Variants in ZCWPW1 observed in about 807,000 individuals in gnomAD.
ZCWPW1 encodes zinc finger CW-type and PWWP domain containing 1.
Under a neutral mutation model 81.3 loss-of-function variants are expected in ZCWPW1, and 56 were observed. That is an observed-to-expected ratio of 0.69 (90% CI 0.56 to 0.86). The LOEUF is 0.86. ZCWPW1 is among the 40% of genes least tolerant of loss of function. The probability of loss-of-function intolerance (pLI) is 0.00; values close to 1 mark genes in which losing one functional copy is unlikely to be tolerated. For missense variants in ZCWPW1, 650 were observed against 769.8 expected (o/e 0.84, Z 1.84); for synonymous variants, 250 against 273.7 (o/e 0.91, Z 0.86).
intron 5 of ZCWPW1, among the ~76,000 whole-genome samples, chr7:100,417,893 G>GT (rs1230811022): frequency 2.1e-4 from 31 of 149,838 alleles, no homozygotes; most frequent in African/African-American, 2.9e-4. Flanking sequence ...TTGTTTTTTG[G>GT]TTTTTTTTTG....
intron 5 of ZCWPW1, 119 bp from the exon 6 acceptor site, chr7:100,417,302 A>G (rs1283606119): frequency 4.6e-6 from 3 of 648,208 alleles, no homozygotes; most frequent in Non-Finnish European, 5.3e-6. Context: ...TACCTGTCAT[A>G]TCACAGAACT....
intron 2 of ZCWPW1, among the ~76,000 whole-genome samples, chr7:100,421,004 A>T (rs1796248827): frequency 6.6e-6 from 1 of 152,114 alleles, no homozygotes; most frequent in Non-Finnish European, 1.5e-5. Flanking sequence ...AAAACAAATT[A>T]GCCAGTGTGG....
intron 9 of ZCWPW1, 118 bp from the exon 10 acceptor site, chr7:100,408,777 G>A (rs1793574116): frequency 8.2e-7 from 1 of 1,220,718 alleles, no homozygotes; most frequent in African/African-American, 1.5e-5. Context: ...GGGACCAAAG[G>A]GGCACCTGGG....
intron 1 of ZCWPW1, among the ~76,000 whole-genome samples, chr7:100,428,152 C>T (rs1798081920): frequency 6.6e-6 from 1 of 152,216 alleles, no homozygotes; most frequent in African/African-American, 2.4e-5. Flanking sequence ...AACTAGCTGG[C>T]TACCTTCAGG....
intron 5 of ZCWPW1, 108 bp downstream of exon 5, chr7:100,419,003 T>A (rs1015273022): frequency 1.2e-6 from 1 of 866,172 alleles, no homozygotes; most frequent in Admixed American, 2.1e-5. Context: ...TAATATTACC[T>A]TATTTAGAAG....
At chr7:100,409,881 A>G (rs1793840920) in intron 8 of ZCWPW1, among the ~76,000 whole-genome samples, 1 of 152,228 alleles carries the variant, frequency 6.6e-6, no homozygotes, top group Non-Finnish European at 1.5e-5. Context: ...GTTGCCTGGC[A>G]TCTTTCCAGA....
Position 100,416,467 on chromosome 7 carries a change from G to A in ZCWPW1, c.480-11C>T, listed in dbSNP as rs764599576. 6.2e-7 allele frequency: 1 copy of A among 1,610,774 alleles called. No homozygotes were observed. Among genetic ancestry groups the A allele is most frequent in the South Asian group, 1.1e-5 (1 of 90,724 alleles). On this transcript the variant is annotated splice_polypyrimidine_tract_variant and intron_variant, in intron 6 of 17. Coordinates refer to ENST00000684423, the MANE Select transcript of ZCWPW1 (RefSeq NM_001386010.1). The stretch of plus-strand genomic sequence containing the variant: ...TGTGGTACCTCCTCTCTGAAAATGA[G>A]GTTTTATTTTAATGAAAGGTAAAAA...
rs1201884525 is a variant in ZCWPW1, at chr7:100,419,614, C to A, written c.282+16G>T. The A allele has an allele frequency of 1.2e-6, 2 of 1,601,278 alleles. No individual in the cohort carries two copies. The highest frequency in any genetic ancestry group is 2.7e-5 in the African/African-American group (2 of 73,894). ...TGAGAAAATCTCCTACCAGAGCCCA[C>A]CACTATGACTGGTACCTTTTCTTTC... On this transcript the variant is annotated intron_variant, in intron 4 of 17. Coordinates refer to ENST00000684423, the MANE Select transcript of ZCWPW1 (RefSeq NM_001386010.1).
intron 1 of ZCWPW1, among the ~76,000 whole-genome samples, chr7:100,428,227 A>T (rs1406078343): frequency 6.6e-6 from 1 of 151,616 alleles, no homozygotes; most frequent in Non-Finnish European, 1.5e-5. Context: ...AGCCCCTCAC[A>T]CCTCAACCCA....
intron 11 of ZCWPW1, 74 bp downstream of exon 11, chr7:100,407,154 C>T: frequency 7.2e-7 from 1 of 1,388,428 alleles, no homozygotes; most frequent in South Asian, 1.2e-5. Flanking sequence ...TGTCTCTTAT[C>T]TGTACGTCTG....
In ZCWPW1 at chr7:100,401,826, A is replaced by AG. The variant is rs1298339622; in HGVS notation, c.1627+62dup. ...CTGTAAAATGGTTAAGAAATGATTCAGGGAGGGGAGATGCTGACAGGCACC... is the reference window on the plus strand; with the variant it reads ...CTGTAAAATGGTTAAGAAATGATTCAGGGGAGGGGAGATGCTGACAGGCACC... On this transcript the variant is annotated intron_variant, in intron 17 of 17. Transcript: ENST00000684423. 11 of 1,527,900 alleles carry AG rather than the reference A, an allele frequency of 7.2e-6. No individual in the cohort carries two copies. The African/African-American group carries it at 1.5e-4, about 21-fold the overall frequency. 94.6% of individuals were successfully genotyped at this position (1,527,900 alleles called of 1,614,324 possible).
intron 6 of ZCWPW1, 67 bp downstream of exon 6, chr7:100,416,999 A>C: frequency 8.5e-7 from 1 of 1,171,064 alleles, no homozygotes; most frequent in Non-Finnish European, 1.3e-6. Flanking sequence ...AGACAGATAG[A>C]TAGACTGACT....
At chr7:100,427,354 G>A (rs1032044856) in intron 1 of ZCWPW1, among the ~76,000 whole-genome samples, 1 of 150,862 alleles carries the variant, frequency 6.6e-6, no homozygotes, top group South Asian at 2.1e-4. Flanking sequence ...CCTTAAGTCA[G>A]GAGTTCGGGA....
intron 5 of ZCWPW1, chr7:100,417,387 T>G: frequency 6.1e-6 from 3 of 495,126 alleles, no homozygotes; most frequent in Non-Finnish European, 1.1e-5. Context: ...ATCTGCCTCA[T>G]TCCAGGATGG....
chr7:100,404,999 G>C lies in ZCWPW1; in HGVS notation c.1254+14C>G. ...GTAGGGAAAGGAATGGGTGTGGTCTGAACACCCTCCCACCTGAATGCTGAT... is the reference window on the plus strand; with the variant it reads ...GTAGGGAAAGGAATGGGTGTGGTCTCAACACCCTCCCACCTGAATGCTGAT... On this transcript the variant is annotated intron_variant, in intron 13 of 17. Coordinates refer to ENST00000684423, the MANE Select transcript of ZCWPW1 (RefSeq NM_001386010.1). The C allele has an allele frequency of 6.2e-7, 1 of 1,611,786 alleles. No homozygotes were observed. The highest frequency in any genetic ancestry group is 1.1e-5 in the South Asian group (1 of 91,010).
intron 2 of ZCWPW1, among the ~76,000 whole-genome samples, chr7:100,424,739 C>G (rs991285880): frequency 5.9e-5 from 9 of 152,138 alleles, no homozygotes; most frequent in African/African-American, 1.9e-4. Flanking sequence ...GGATTACAGG[C>G]ATGACGCACC....
chr7:100,401,442 A>T (rs1791858083), intron 17 of ZCWPW1, 106 bp from the exon 18 acceptor site: 1 of 1,087,078 alleles, frequency 9.2e-7, no homozygotes, highest in South Asian at 1.8e-5. Flanking sequence ...TCTGGAAAAG[A>T]TGACCTTTCT....
chr7:100,411,247 A>G (rs754234372), intron 8 of ZCWPW1, among the ~76,000 whole-genome samples: 1 of 143,526 alleles, frequency 7.0e-6, no homozygotes, highest in African/African-American at 2.7e-5. Context: ...AATATCACAT[A>G]TAAGGATCAC....
At chr7:100,403,367 C>G (rs546857052) in intron 15 of ZCWPW1, among the ~76,000 whole-genome samples, 5 of 152,178 alleles carry the variant, frequency 3.3e-5, no homozygotes, top group African/African-American at 1.2e-4. Context: ...AGGTGCCCAC[C>G]ACCATGCCCG....
Sources: allele counts gnomAD v4.1 joint callset (sites outside exome capture counted in the v4.1 genomes callset), GRCh38; gene constraint gnomAD v4.1.1; transcripts MANE v1.5; gene names NCBI Gene and HGNC (gene_info 2026-07-23, HGNC 2026-07-21).